Variants in CHD4 observed in about 807,000 individuals in gnomAD.
The protein encoded by CHD4 is chromodomain helicase DNA binding protein 4, also known as ATP-dependent chromatin remodeler CHD4.
A neutral mutation model predicts 235.5 loss-of-function variants in CHD4; 35 were observed. The observed-to-expected ratio is 0.15, with a 90% CI of 0.11 to 0.20. CHD4 has a LOEUF of 0.20. CHD4 is among the 10% of genes least tolerant of loss of function. The probability of loss-of-function intolerance (pLI) is 1.00; values close to 1 mark genes in which losing one functional copy is unlikely to be tolerated. For synonymous variants in CHD4, 900 were observed against 850.2 expected (o/e 1.06, Z -1.02); for missense variants, 1,329 against 2,432.3 (o/e 0.55, Z 9.54).
chr12:6,599,693 T>C (rs1948557205), intron 10 of CHD4, 80 bp downstream of exon 10: 1 of 1,567,588 alleles, frequency 6.4e-7, no homozygotes, highest in Non-Finnish European at 8.7e-7. Context: ...GTTCCTCTCC[T>C]GCACCCCAGC....
At chr12:6,604,699 T>C (rs1948659772) in intron 2 of CHD4, among the ~76,000 whole-genome samples, 1 of 151,990 alleles carries the variant, frequency 6.6e-6, no homozygotes, top group Non-Finnish European at 1.5e-5. Context: ...GCAAATAATA[T>C]GCTGAAATGG....
In CHD4 at chr12:6,600,633, C is replaced by T. The variant is rs1468078805; in HGVS notation, c.964G>A (p.Asp322Asn). ...GAATAGCTATTGATACTGGCATCAT[C>T]GAAGTCAGATTCCACATCTAAGTCA... ...DDDLDVESDF[D>N]DASINSYSVS... The change falls in exon 8 of 40, where the codon GAT (aspartate) becomes AAT (asparagine). Residue 322 changes from aspartate (D) to asparagine (N), a missense_variant. Physicochemically the swap from Asp to Asn is conservative, Grantham distance 23. This residue lies in a region of CHD4 where 160 missense variants were observed against 196.6 expected (regional missense o/e 0.81). Coordinates refer to ENST00000544040, the MANE Select transcript of CHD4 (RefSeq NM_001273.5). The T allele has an allele frequency of 1.2e-6, 2 of 1,614,024 alleles. No homozygotes were observed. Among genetic ancestry groups the T allele is most frequent in the Admixed American group, 1.7e-5 (1 of 60,008 alleles).
chr12:6,581,005 A>G (rs753093130), intron 33 of CHD4, 39 bp downstream of exon 33: 1 of 1,594,718 alleles, frequency 6.3e-7, no homozygotes, highest in Non-Finnish European at 8.6e-7. Flanking sequence ...CACTGTCTCA[A>G]AACAAACAAA....
In CHD4 at chr12:6,570,574, G is replaced by T; in HGVS notation, c.*102C>A. ...TCCTTTACAACATGGAAGATGGGCA[G>T]AAGGAAGGTGAGGGTCTCTCAGGCC... is the stretch of plus-strand genomic sequence containing the variant. On this transcript the variant is annotated 3_prime_UTR_variant, in exon 40 of 40. Coordinates refer to ENST00000544040, the MANE Select transcript of CHD4 (RefSeq NM_001273.5). The T allele has an allele frequency of 7.0e-7, 1 of 1,426,306 alleles. No individual in the cohort carries two copies. The highest frequency in any genetic ancestry group is 1.2e-5 in the South Asian group (1 of 85,032). 88.4% of individuals were successfully genotyped at this position (1,426,306 alleles called of 1,614,324 possible).
intron 37 of CHD4, among the ~76,000 whole-genome samples, chr12:6,573,878 G>C (rs1948021751): frequency 6.6e-6 from 1 of 151,182 alleles, no homozygotes; most frequent in Non-Finnish European, 1.5e-5. Context: ...ACAAAAATTA[G>C]CCAGGTATGG....
At chr12:6,606,666 G>A (rs1206974150) in intron 1 of CHD4, 2 of 319,292 alleles carry the variant, frequency 6.3e-6, no homozygotes, top group South Asian at 6.2e-5. Flanking sequence ...CGCCTCCGAG[G>A]GCAGGCTGGT....
At position 6,583,340 on chromosome 12, in the gene CHD4, T is replaced by C. The variant is rs368924391; in HGVS notation, c.3918A>G (p.Glu1306=). ...CCCAGTAGTCAGGATCCACACTTTC[T>C]TCCTGTTTAATGATTTCCCGTTCTA... is the stretch of plus-strand genomic sequence containing the variant. ...EEVEREIIKQ[E]ESVDPDYWEK... Residue 1306 remains glutamate, a synonymous_variant, in exon 26 of 40, where the codon GAA becomes GAG. Coordinates refer to ENST00000544040, the MANE Select transcript of CHD4 (RefSeq NM_001273.5). 6.2e-7 allele frequency: 1 copy of C among 1,613,996 alleles called. No homozygotes were observed. Among genetic ancestry groups the C allele is most frequent in the Non-Finnish European group, 8.5e-7 (1 of 1,179,904 alleles).
In CHD4 at chr12:6,571,019, C is replaced by T. The variant is rs1947958216; in HGVS notation, c.5571G>A (p.Leu1857=). 1 of 1,613,966 alleles carries T rather than the reference C, an allele frequency of 6.2e-7. No homozygotes were observed. Among genetic ancestry groups the T allele is most frequent in the Non-Finnish European group, 8.5e-7 (1 of 1,180,028 alleles). ...CTTTCATGTCACTCAGCAGTTCTTCCAGCTGTTTCAGAACTGCATAGGGAG... is the reference window on the plus strand; with the variant it reads ...CTTTCATGTCACTCAGCAGTTCTTCTAGCTGTTTCAGAACTGCATAGGGAG... ...NAVLHKVLKQ[L]EELLSDMKAD... Residue 1857 remains leucine, a synonymous_variant, in exon 39 of 40, where the codon CTG becomes CTA. Coordinates refer to ENST00000544040, the MANE Select transcript of CHD4 (RefSeq NM_001273.5).
rs149936307 is a variant in CHD4 at position 6,587,830 on chromosome 12, C to T, written c.3585G>A (p.Thr1195=). The T allele has an allele frequency of 2.7e-5, 43 of 1,614,102 alleles. No individual in the cohort carries two copies. In the African/African-American group the frequency reaches 5.1e-4, roughly 19 times the overall value. Reference sequence around the variant, plus strand: ...CCAGCCCAGGCCGCACCACTAGATGCGTCAGCATCATTTTCTTCTTTGCCA... The same window carrying T: ...CCAGCCCAGGCCGCACCACTAGATGTGTCAGCATCATTTTCTTCTTTGCCA... ...TQVAKKKMML[T]HLVVRPGLGS... The change falls in exon 24 of 40, where the codon ACG becomes ACA. Residue 1195 remains threonine (T), a synonymous_variant. Transcript: ENST00000544040.
At chr12:6,594,877 G>A (rs1948459035) in intron 14 of CHD4, among the ~76,000 whole-genome samples, 1 of 152,184 alleles carries the variant, frequency 6.6e-6, no homozygotes, top group African/African-American at 2.4e-5. Flanking sequence ...GATCACTGAG[G>A]AAAAGCACGT....
Position 6,601,684 on chromosome 12 carries a change from G to A in CHD4, c.521C>T (p.Thr174Ile). 3.1e-6 allele frequency: 5 copies of A among 1,614,180 alleles called. No homozygotes were observed. The highest frequency in any genetic ancestry group is 4.2e-6 in the Non-Finnish European group (5 of 1,180,028). The change falls in exon 5 of 40, where the codon ACC becomes ATC. Residue 174 changes from threonine (T) to isoleucine (I), a missense_variant. By Grantham distance (89) the Thr-to-Ile change is moderately conservative (BLOSUM62 -1). Coordinates refer to ENST00000544040, the MANE Select transcript of CHD4 (RefSeq NM_001273.5). ...GCTGAAGGCCTTGTAGTTGGTGAGG[G>A]TTCGATAATCCTCCTCTGAGAACAC... ...DHVFSEEDYR[T>I]LTNYKAFSQF...
At position 6,591,467 on chromosome 12, in the gene CHD4, A is replaced by G. The variant is rs369165349; in HGVS notation, c.3339T>C (p.Asn1113=). 3.9e-5 allele frequency: 63 copies of G among 1,612,890 alleles called. No individual in the cohort carries two copies. Among genetic ancestry groups the G allele is most frequent in the Non-Finnish European group, 4.9e-5 (58 of 1,179,054 alleles). ...ACTAAACAACTCCTTCTCTCTCACC[A>G]TTGAAGCGGTCAATGGCCTCTTGCC... ...NMRQEAIDRF[N]APGAQQFCFL... Residue 1113 remains asparagine (N), a splice_region_variant and synonymous_variant, in exon 22 of 40, where the codon AAT becomes AAC. Coordinates refer to ENST00000544040, the MANE Select transcript of CHD4 (RefSeq NM_001273.5).
Position 6,582,297 on chromosome 12 carries a change from G to A in CHD4, c.4371-16C>T, listed in dbSNP as rs890298216. 1.3e-6 allele frequency: 2 copies of A among 1,546,318 alleles called. No individual in the cohort carries two copies. The highest frequency in any genetic ancestry group is 1.8e-4 in the Middle Eastern group (1 of 5,676). ...GACATATGCCCTGTGTAAAGAAGTA[G>A]AGAAAGAGTTAAATAGGGATCATGC... On this transcript the variant is annotated splice_polypyrimidine_tract_variant and intron_variant, in intron 29 of 39. Coordinates refer to ENST00000544040, the MANE Select transcript of CHD4 (RefSeq NM_001273.5).
intron 30 of CHD4, 137 bp downstream of exon 30, chr12:6,582,000 G>A (rs1322534551): frequency 3.1e-5 from 36 of 1,147,838 alleles, no homozygotes; most frequent in Non-Finnish European, 3.8e-5. Flanking sequence ...ATGGGGTTTC[G>A]CCATGTTGAC....
chr12:6,606,285 G>T lies in CHD4; in HGVS notation c.89C>A (p.Pro30Gln). 1 of 1,576,640 alleles carries T rather than the reference G, an allele frequency of 6.3e-7. No homozygotes were observed. Among genetic ancestry groups the T allele is most frequent in the Non-Finnish European group, 8.6e-7 (1 of 1,161,296 alleles). The change falls in exon 2 of 40, where the codon CCA becomes CAA. Residue 30 changes from proline (P) to glutamine (Q), a missense_variant. Physicochemically the swap from Pro to Gln is moderately conservative, Grantham distance 76 (BLOSUM62 -1). Transcript: ENST00000544040. ...GGGGAAGATGTTACCTGGGTGGGGT[G>T]GGGGCAGGCTGTTGTTCAAAAGTGC... ...MDALLNNSLP[P>Q]PHPENEEDPE... is the part of the protein sequence containing the mutation.
intron 19 of CHD4, 143 bp from the exon 20 acceptor site, chr12:6,592,200 CCAT>C: frequency 8.0e-7 from 1 of 1,250,032 alleles, no homozygotes. Context: ...ACCACCACCA[CCAT>C]TTTAAATAAG....
Position 6,581,372 on chromosome 12 carries a change from T to C in CHD4, c.4698A>G (p.Ile1566Met). 1.2e-6 allele frequency: 2 copies of C among 1,614,120 alleles called. No individual in the cohort carries two copies. Among genetic ancestry groups the C allele is most frequent in the African/African-American group, 1.3e-5 (1 of 75,052 alleles). The change falls in exon 32 of 40, where the codon ATA becomes ATG. Residue 1566 changes from isoleucine to methionine, a missense_variant. By Grantham distance (10) the Ile-to-Met change is conservative. This residue lies in a region of CHD4 where 219 missense variants were observed against 219.3 expected (regional missense o/e 1.00). Coordinates refer to ENST00000544040, the MANE Select transcript of CHD4 (RefSeq NM_001273.5). ...CTTCTTCTTTGAGGCTATTTTCCTC[T>C]ATTTTTATCCCATCTTCTGCAGAAC... ...PVPPAEDGIKIEENSLKEEES... is the reference protein window; with the variant it reads ...PVPPAEDGIKMEENSLKEEES...
chr12:6,600,092 G>A, intron 9 of CHD4, 80 bp from the exon 10 acceptor site: 1 of 1,345,598 alleles, frequency 7.4e-7, no homozygotes, highest in Non-Finnish European at 1.0e-6. Flanking sequence ...TCATTCCTTT[G>A]AATGCTTCCC....
At chr12:6,604,301 C>T (rs529130912) in intron 2 of CHD4, among the ~76,000 whole-genome samples, 36 of 152,084 alleles carry the variant, frequency 2.4e-4, no homozygotes, top group Admixed American at 5.2e-4. Context: ...TAATATCCCT[C>T]CTTCAATCCC....
Sources: gnomAD v4.1 joint callset for allele counts (sites outside exome capture counted in the v4.1 genomes callset) on GRCh38, gnomAD v4.1.1 for gene constraint, gnomAD v4.1.1 regional missense constraint, MANE v1.5 for transcripts, NCBI Gene and HGNC (gene_info 2026-07-23, HGNC 2026-07-21) for gene names.